SORBS2: variants seen among roughly 807,000 people sequenced by gnomAD.
The protein encoded by SORBS2 is sorbin and SH3 domain-containing protein 2.
A neutral mutation model predicts 97.7 loss-of-function variants in SORBS2; 46 were observed. The ratio of observed to expected loss-of-function variants is 0.47; its 90% CI spans 0.37 to 0.60. The LOEUF (loss-of-function observed/expected upper bound fraction) is 0.60. Ranked by LOEUF, SORBS2 falls within the 20% of genes least tolerant of loss-of-function variation. The probability of loss-of-function intolerance (pLI) is 0.00; values close to 1 mark genes in which losing one functional copy is unlikely to be tolerated. For synonymous variants in SORBS2, 476 were observed against 473.4 expected, an observed-to-expected ratio of 1.01 and a Z score of -0.07; for missense variants, 1,316 against 1,282.3, an observed-to-expected ratio of 1.03 and a Z score of -0.40.
chr4:185,851,907 A>T (rs910247317), intron 1 of SORBS2, among the ~76,000 whole-genome samples: 1 of 152,120 alleles, frequency 6.6e-6, no homozygotes, highest in African/African-American at 2.4e-5. Flanking sequence ...TGTGTAAATT[A>T]ATACTTAATA....
intron 1 of SORBS2, among the ~76,000 whole-genome samples, chr4:185,945,035 C>A (rs1032870642): frequency 2.0e-5 from 3 of 152,188 alleles, no homozygotes; most frequent in African/African-American, 4.8e-5. Flanking sequence ...ACTTTTGGAG[C>A]TTATGAATCA....
intron 1 of SORBS2, among the ~76,000 whole-genome samples, chr4:185,896,335 G>A (rs2099245036): frequency 6.6e-6 from 1 of 152,230 alleles, no homozygotes; most frequent in African/African-American, 2.4e-5. Context: ...TGTAATGCCA[G>A]CACTTTGGGA....
intron 2 of SORBS2, among the ~76,000 whole-genome samples, chr4:185,679,212 G>C (rs1288742642): frequency 6.6e-6 from 1 of 152,104 alleles, no homozygotes; most frequent in Non-Finnish European, 1.5e-5. Flanking sequence ...ATGCCCTGCT[G>C]TTGATAAGCA....
chr4:185,624,610 A>G, intron 6 of SORBS2, 116 bp from the exon 19 acceptor site: 1 of 1,148,620 alleles, frequency 8.7e-7, no homozygotes, highest in Non-Finnish European at 1.2e-6. Context: ...GAAAGCAGTT[A>G]GTGTGTTTTA....
At chr4:185,641,228 T>C (rs1339587435) in intron 4 of SORBS2, among the ~76,000 whole-genome samples, 1 of 152,102 alleles carries the variant, frequency 6.6e-6, no homozygotes, top group African/African-American at 2.4e-5. Flanking sequence ...TTTATTTAAA[T>C]AGTCAATTTA....
intron 1 of SORBS2, among the ~76,000 whole-genome samples, chr4:185,919,635 G>A (rs2099260059): frequency 6.6e-6 from 1 of 152,078 alleles, no homozygotes; most frequent in South Asian, 2.1e-4. Flanking sequence ...AATGAGAAAA[G>A]TCAAACCCGC....
intron 2 of SORBS2, among the ~76,000 whole-genome samples, chr4:185,759,774 T>G (rs1378349995): frequency 6.6e-6 from 1 of 152,206 alleles, no homozygotes; most frequent in Non-Finnish European, 1.5e-5. Flanking sequence ...GTTATTCTAT[T>G]GCCTGTAACA....
intron 12 of SORBS2, among the ~76,000 whole-genome samples, chr4:185,605,882 A>T (rs191372305): frequency 2.0e-4 from 31 of 152,066 alleles, no homozygotes; most frequent in African/African-American, 7.5e-4. Context: ...TTGTTTTAAG[A>T]GAGAGGTTTG....
At chr4:185,856,042 A>G (rs1255951357) in intron 1 of SORBS2, among the ~76,000 whole-genome samples, 2 of 152,306 alleles carry the variant, frequency 1.3e-5, no homozygotes, top group Non-Finnish European at 2.9e-5. Context: ...TGTATTTTCC[A>G]CTCAAATTTA....
At chr4:185,725,723 A>G (rs1385857226) in intron 2 of SORBS2, among the ~76,000 whole-genome samples, 2 of 152,206 alleles carry the variant, frequency 1.3e-5, no homozygotes, top group Non-Finnish European at 2.9e-5. Flanking sequence ...TATCAAATAA[A>G]TTATCATAAT....
intron 1 of SORBS2, among the ~76,000 whole-genome samples, chr4:185,903,136 G>A (rs998220251): frequency 6.6e-6 from 1 of 152,128 alleles, no homozygotes; most frequent in Non-Finnish European, 1.5e-5. Context: ...CTAAAGCACT[G>A]AAAGAAACAC....
chr4:185,664,971 T>G (rs2097575657), intron 4 of SORBS2, among the ~76,000 whole-genome samples: 3 of 152,202 alleles, frequency 2.0e-5, no homozygotes, highest in African/African-American at 2.4e-5. Context: ...CATAAAATTT[T>G]GAAACATTTT....
intron 1 of SORBS2, among the ~76,000 whole-genome samples, chr4:185,783,853 T>G (rs2099043143): frequency 6.6e-6 from 1 of 152,242 alleles, no homozygotes; most frequent in Non-Finnish European, 1.5e-5. Context: ...TTTGAGGTTC[T>G]GTCTGATGTT....
upstream of SORBS2, among the ~76,000 whole-genome samples, chr4:185,658,121 C>A (rs569788227): frequency 3.3e-5 from 5 of 152,034 alleles, no homozygotes; most frequent in Admixed American, 3.3e-4. Flanking sequence ...AAAAATGAAG[C>A]AAAACCAAAA....
intron 4 of SORBS2, among the ~76,000 whole-genome samples, chr4:185,633,465 T>G (rs2096939778): frequency 6.6e-6 from 1 of 151,164 alleles, no homozygotes; most frequent in Non-Finnish European, 1.5e-5. Flanking sequence ...GTGCTTTTTA[T>G]GTGTTGTTTT....
intron 1 of SORBS2, among the ~76,000 whole-genome samples, chr4:185,797,686 G>A (rs1258058740): frequency 3.9e-5 from 6 of 152,096 alleles, no homozygotes; most frequent in South Asian, 2.1e-4. Context: ...AAAAGCCCAG[G>A]AGCCTGTTCC....
intron 2 of SORBS2, among the ~76,000 whole-genome samples, chr4:185,682,748 G>T (rs2097890083): frequency 6.6e-6 from 1 of 151,960 alleles, no homozygotes; most frequent in Non-Finnish European, 1.5e-5. Flanking sequence ...TAGTGGCTCA[G>T]GCCTGTAATC....
intron 2 of SORBS2, 121 bp downstream of exon 11, chr4:185,651,663 C>T (rs2097315886): frequency 1.4e-6 from 1 of 713,962 alleles, no homozygotes; most frequent in Non-Finnish European, 2.5e-6. Flanking sequence ...AAGAAATCCT[C>T]CTCCTAATAT....
intron 9 of SORBS2, among the ~76,000 whole-genome samples, chr4:185,616,078 C>T (rs13144235): frequency 0.072 from 10,914 of 152,238 alleles, 427 homozygotes; most frequent in Middle Eastern, 0.099. Flanking sequence ...TGTATCTTCT[C>T]CCAAGAGCCT....
Sources: gnomAD v4.1 joint callset for allele counts (sites outside exome capture counted in the v4.1 genomes callset) on GRCh38, gnomAD v4.1.1 for gene constraint, MANE v1.5 for transcripts, NCBI Gene and HGNC (gene_info 2026-07-23, HGNC 2026-07-21) for gene names.